PDGFD: variants seen among roughly 807,000 people sequenced by gnomAD.
PDGFD encodes platelet derived growth factor D, also known as platelet-derived growth factor D.
Under a neutral mutation model 44.7 loss-of-function variants are expected in PDGFD, and 30 were observed. That is an observed-to-expected ratio of 0.67 (90% CI 0.50 to 0.91). The LOEUF (loss-of-function observed/expected upper bound fraction) is 0.91, where lower values mean the gene tolerates loss of function less well. Among genes scored for constraint, PDGFD ranks in the 40% least tolerant of loss-of-function variants. PDGFD has a pLI of 0.00. For missense variants in PDGFD, 445 were observed against 457.8 expected (o/e 0.97, Z 0.25); for synonymous variants, 173 against 168.4 (o/e 1.03, Z -0.21).
chr11:104,071,591 G>C (rs1313492637), intron 1 of PDGFD, among the ~76,000 whole-genome samples: 1 of 151,606 alleles, frequency 6.6e-6, no homozygotes, highest in Non-Finnish European at 1.5e-5. Context: ...TTTTCTCCTA[G>C]TTGTTTTTTG....
At chr11:104,122,672 G>A (rs1861793314) in intron 1 of PDGFD, among the ~76,000 whole-genome samples, 1 of 151,904 alleles carries the variant, frequency 6.6e-6, no homozygotes, top group South Asian at 2.1e-4. Flanking sequence ...CAGACAATGA[G>A]GCCACTTCAT....
intron 1 of PDGFD, among the ~76,000 whole-genome samples, chr11:104,112,689 C>A (rs935577499): frequency 2.0e-5 from 3 of 152,018 alleles, no homozygotes; most frequent in Non-Finnish European, 4.4e-5. Flanking sequence ...TACTATCCAG[C>A]CATAAAAAAG....
chr11:104,074,287 A>T (rs981765958), intron 1 of PDGFD, among the ~76,000 whole-genome samples: 1 of 152,216 alleles, frequency 6.6e-6, no homozygotes, highest in Non-Finnish European at 1.5e-5. Flanking sequence ...TTGCGAGAAC[A>T]GTACATCGTT....
chr11:104,156,219 G>A (rs1317064263), intron 1 of PDGFD, among the ~76,000 whole-genome samples: 1 of 152,104 alleles, frequency 6.6e-6, no homozygotes, highest in African/African-American at 2.4e-5. Context: ...CAGGCATGGT[G>A]GCATGTGCCT....
intron 1 of PDGFD, among the ~76,000 whole-genome samples, chr11:104,022,142 G>A (rs1278248021): frequency 6.6e-6 from 1 of 152,126 alleles, no homozygotes; most frequent in Non-Finnish European, 1.5e-5. Context: ...AAAGAGTAGG[G>A]ATTTTAACCT....
chr11:103,945,918 AAAC>A (rs537432924), intron 4 of PDGFD: 3 of 152,352 alleles, frequency 2.0e-5, no homozygotes, highest in African/African-American at 4.8e-5. Context: ...CAGTTGACAG[AAAC>A]AACAACGACA....
intron 1 of PDGFD, among the ~76,000 whole-genome samples, chr11:104,109,519 C>T (rs917145994): frequency 1.3e-5 from 2 of 151,990 alleles, no homozygotes; most frequent in Non-Finnish European, 2.9e-5. Flanking sequence ...TAATATTGTA[C>T]GTAGGCTTTA....
intron 1 of PDGFD, among the ~76,000 whole-genome samples, chr11:104,023,429 C>A (rs572495760): frequency 1.3e-5 from 2 of 152,068 alleles, no homozygotes; most frequent in Admixed American, 1.3e-4. Context: ...TTTATATAAT[C>A]ATTCCAGAAA....
chr11:104,000,783 C>T (rs554941682), intron 1 of PDGFD, among the ~76,000 whole-genome samples: 2 of 152,130 alleles, frequency 1.3e-5, no homozygotes, highest in South Asian at 4.2e-4. Context: ...ATCCTTCCAC[C>T]ACGAAAAATC....
intron 3 of PDGFD, among the ~76,000 whole-genome samples, chr11:103,966,212 G>A (rs1859018130): frequency 6.6e-6 from 1 of 152,142 alleles, no homozygotes; most frequent in African/African-American, 2.4e-5. Context: ...AGGGAAGAAG[G>A]ACTGTTCAAA....
At chr11:104,053,904 A>G (rs1860580209) in intron 1 of PDGFD, among the ~76,000 whole-genome samples, 2 of 152,236 alleles carry the variant, frequency 1.3e-5, no homozygotes, top group Non-Finnish European at 2.9e-5. Flanking sequence ...CAGAGATAAG[A>G]GACATTTATA....
chr11:104,059,875 C>T (rs1164802990), intron 1 of PDGFD, among the ~76,000 whole-genome samples: 1 of 152,184 alleles, frequency 6.6e-6, no homozygotes, highest in African/African-American at 2.4e-5. Flanking sequence ...AGCAAACTGG[C>T]TAACACCTAG....
At chr11:104,070,343 T>C (rs895321161) in intron 1 of PDGFD, among the ~76,000 whole-genome samples, 6 of 152,210 alleles carry the variant, frequency 3.9e-5, no homozygotes, top group African/African-American at 9.6e-5. Flanking sequence ...ATACATCTAA[T>C]ACAAATCCAA....
chr11:104,120,490 G>A (rs73614585), intron 1 of PDGFD, among the ~76,000 whole-genome samples: 2 of 151,812 alleles, frequency 1.3e-5, no homozygotes, highest in Non-Finnish European at 2.9e-5. Flanking sequence ...TCTTGACCTG[G>A]CACCAACGGC....
At chr11:104,110,128 C>T (rs10895572) in intron 1 of PDGFD, among the ~76,000 whole-genome samples, 15,688 of 151,934 alleles carry the variant, frequency 0.1, 959 homozygotes, top group East Asian at 0.32. Flanking sequence ...TTTTCATAAA[C>T]ACAAAGAAGA....
At chr11:104,006,030 A>G (rs905812175) in intron 1 of PDGFD, among the ~76,000 whole-genome samples, 1 of 152,218 alleles carries the variant, frequency 6.6e-6, no homozygotes, top group Non-Finnish European at 1.5e-5. Flanking sequence ...ATAATTGTCT[A>G]TTTTATTCCC....
chr11:104,030,832 T>G (rs1046751881), intron 1 of PDGFD, among the ~76,000 whole-genome samples: 5 of 152,134 alleles, frequency 3.3e-5, no homozygotes, highest in Non-Finnish European at 7.4e-5. Context: ...TCAGTGACAC[T>G]TCCTCTAGTG....
intron 1 of PDGFD, among the ~76,000 whole-genome samples, chr11:104,024,847 A>G (rs1860018681): frequency 6.6e-6 from 1 of 152,250 alleles, no homozygotes; most frequent in South Asian, 2.1e-4. Context: ...TCAAATCTGT[A>G]TAATCTCTAT....
intron 3 of PDGFD, among the ~76,000 whole-genome samples, chr11:103,957,764 G>T (rs2134334374): frequency 6.6e-6 from 1 of 152,260 alleles, no homozygotes; most frequent in Non-Finnish European, 1.5e-5. Flanking sequence ...TCATGAGAAT[G>T]ATATTCAAGA....
Sources: gnomAD v4.1 joint callset for allele counts (sites outside exome capture counted in the v4.1 genomes callset) on GRCh38, gnomAD v4.1.1 for gene constraint, MANE v1.5 for transcripts, NCBI Gene and HGNC (gene_info 2026-07-23, HGNC 2026-07-21) for gene names.